The following EXT1 variants were observed in gnomAD, a reference collection of about 807,000 sequenced individuals.
EXT1 encodes exostosin glycosyltransferase 1, also known as exostosin-1.
Under a neutral mutation model 82.5 loss-of-function variants are expected in EXT1, and 20 were observed. That is an observed-to-expected ratio of 0.24 (90% CI 0.17 to 0.35). The LOEUF (loss-of-function observed/expected upper bound fraction) is 0.35. EXT1 is among the 10% of genes least tolerant of loss of function. The pLI, the probability that EXT1 is intolerant of heterozygous loss-of-function variation, is 1.00. For synonymous variants in EXT1, 348 were observed against 350.8 expected, an observed-to-expected ratio of 0.99 and a Z score of 0.09; for missense variants, 757 against 936.5, an observed-to-expected ratio of 0.81 and a Z score of 2.50.
chr8:117,939,133 G>GC (rs1814225123), intron 1 of EXT1, among the ~76,000 whole-genome samples: 1 of 151,940 alleles, frequency 6.6e-6, no homozygotes, highest in Admixed American at 6.6e-5. Context: ...CTGTCCCCCA[G>GC]CCCTGCAAGA....
chr8:117,994,900 C>G lies in EXT1; in HGVS notation c.962+115185G>C, dbSNP rs1016204704. On this transcript the variant is annotated intron_variant, in intron 1 of 10. Coordinates refer to ENST00000378204, the MANE Select transcript of EXT1 (RefSeq NM_000127.3). ...GTCTGAATCCTAAATCTGAACACCA[C>G]AGAACATCAGCTATTTGGACGTTAA... Among the ~76,000 whole-genome samples, 4 of 152,278 alleles carry G rather than the reference C, an allele frequency of 2.6e-5. No individual in the cohort carries two copies. In the East Asian group the frequency reaches 7.7e-4, roughly 29 times the overall value.
At chr8:117,814,092 AAGG>A in intron 7 of EXT1, among the ~76,000 whole-genome samples, 1 of 151,928 alleles carries the variant, frequency 6.6e-6, no homozygotes, top group Non-Finnish European at 1.5e-5. Flanking sequence ...GGAGAAGGAG[AAGG>A]AGAAGGAGAA....
chr8:118,011,290 G>C (rs959132406), intron 1 of EXT1, among the ~76,000 whole-genome samples: 4 of 152,180 alleles, frequency 2.6e-5, no homozygotes, highest in African/African-American at 9.7e-5. Flanking sequence ...GGCAGGACTC[G>C]TGTCTGTCTC....
intron 1 of EXT1, among the ~76,000 whole-genome samples, chr8:118,070,960 T>C (rs1261611961): frequency 1.3e-5 from 2 of 152,230 alleles, no homozygotes; most frequent in Non-Finnish European, 2.9e-5. Flanking sequence ...TTTTAAAGCC[T>C]CCATTTGTGA....
chr8:118,069,438 A>C (rs1817048321), intron 1 of EXT1, among the ~76,000 whole-genome samples: 1 of 151,882 alleles, frequency 6.6e-6, no homozygotes, highest in East Asian at 1.9e-4. Flanking sequence ...GGTGATCTCA[A>C]CTCCTGCTAA....
In EXT1 at chr8:118,110,504, G is replaced by A. The variant is rs375583188; in HGVS notation, c.543C>T (p.Leu181=). Residue 181 remains leucine, a synonymous_variant, in exon 1 of 11, where the codon CTC becomes CTT. Coordinates refer to ENST00000378204, the MANE Select transcript of EXT1 (RefSeq NM_000127.3). ...VHNLRSKVQS[L]HLWNNGRNHL... ...GATTCCTACCATTGTTCCACAAGTG[G>A]AGACTCTGCACTTTGGATCTCAAAT... 66 of 1,613,990 alleles carry A rather than the reference G, an allele frequency of 4.1e-5. No homozygotes were observed. The highest frequency in any genetic ancestry group is 5.2e-5 in the Non-Finnish European group (61 of 1,180,024).
At chr8:117,962,325 C>T (rs1266333389) in intron 1 of EXT1, among the ~76,000 whole-genome samples, 3 of 152,102 alleles carry the variant, frequency 2.0e-5, no homozygotes, top group Non-Finnish European at 2.9e-5. Flanking sequence ...GCCAAGGGGG[C>T]CTGGTGCTGT....
chr8:118,110,033 G>T (rs989380286), intron 1 of EXT1, 52 bp downstream of exon 1: 3 of 1,611,992 alleles, frequency 1.9e-6, no homozygotes, highest in Non-Finnish European at 2.5e-6. Flanking sequence ...CTGGACCAAG[G>T]CCGGCAGAGC....
intron 1 of EXT1, among the ~76,000 whole-genome samples, chr8:118,026,754 G>A (rs1816209474): frequency 6.6e-6 from 1 of 152,184 alleles, no homozygotes; most frequent in Non-Finnish European, 1.5e-5. Context: ...ATCAGTCACT[G>A]ATTCACCGGA....
At chr8:118,012,025 G>A (rs1310903009) in intron 1 of EXT1, among the ~76,000 whole-genome samples, 1 of 152,190 alleles carries the variant, frequency 6.6e-6, no homozygotes, top group Non-Finnish European at 1.5e-5. Context: ...ACCAACTTGG[G>A]AGAGGTTTGT....
intron 1 of EXT1, among the ~76,000 whole-genome samples, chr8:118,096,725 G>A (rs1224377283): frequency 6.6e-6 from 1 of 151,630 alleles, no homozygotes; most frequent in Non-Finnish European, 1.5e-5. Flanking sequence ...GGAAAGGAAG[G>A]AAGAAAGGAT....
At chr8:117,806,280 T>C (rs756201799) in intron 9 of EXT1, among the ~76,000 whole-genome samples, 16 of 152,204 alleles carry the variant, frequency 1.1e-4, no homozygotes, top group Admixed American at 4.6e-4. Flanking sequence ...GGATTTCTCC[T>C]CCCTGTTCAA....
chr8:117,882,930 T>C lies in EXT1; in HGVS notation c.963-45729A>G, dbSNP rs1325385696. On this transcript the variant is annotated intron_variant, in intron 1 of 10. Coordinates refer to ENST00000378204, the MANE Select transcript of EXT1 (RefSeq NM_000127.3). Reference sequence around the variant, plus strand: ...AGACAGAGATTGCAGCGAGCCAAGATCATGCCACTGCACTCCGGCCTGGGC... The same window carrying C: ...AGACAGAGATTGCAGCGAGCCAAGACCATGCCACTGCACTCCGGCCTGGGC... Among the ~76,000 whole-genome samples the C allele has an allele frequency of 5.5e-5, 8 of 144,928 alleles. No individual in the cohort carries two copies. The Admixed American group carries it at 5.7e-4, about 10-fold the overall frequency.
intron 1 of EXT1, among the ~76,000 whole-genome samples, chr8:117,988,909 T>C (rs1815377394): frequency 1.3e-5 from 2 of 151,826 alleles, no homozygotes; most frequent in South Asian, 4.2e-4. Flanking sequence ...CTCATTCTTT[T>C]ATAACTACTT....
At chr8:117,858,790 C>G (rs1812619305) in intron 1 of EXT1, among the ~76,000 whole-genome samples, 3 of 92,116 alleles carry the variant, frequency 3.3e-5, no homozygotes, top group African/African-American at 1.9e-4. Flanking sequence ...GGCAGGCAGG[C>G]AAGGCAAGGC....
chr8:118,036,448 G>T (rs139641256), intron 1 of EXT1, among the ~76,000 whole-genome samples: 1 of 151,974 alleles, frequency 6.6e-6, no homozygotes, highest in Non-Finnish European at 1.5e-5. Context: ...ATAGTAAATC[G>T]CATGATAACT....
intron 1 of EXT1, among the ~76,000 whole-genome samples, chr8:117,939,651 T>C (rs1432796706): frequency 6.6e-6 from 1 of 152,054 alleles, no homozygotes; most frequent in Admixed American, 6.6e-5. Context: ...GTCCCACAAC[T>C]GATAACTAAT....
chr8:117,982,074 A>G, intron 1 of EXT1, among the ~76,000 whole-genome samples: 1 of 152,220 alleles, frequency 6.6e-6, no homozygotes, highest in South Asian at 2.1e-4. Flanking sequence ...AACTTAAAAC[A>G]ACACCCATGT....
At chr8:117,924,138 T>C (rs1813912021) in intron 1 of EXT1, among the ~76,000 whole-genome samples, 1 of 152,168 alleles carries the variant, frequency 6.6e-6, no homozygotes, top group Admixed American at 6.5e-5. Flanking sequence ...AATAACTGGG[T>C]GATTCATATG....
Sources: gnomAD v4.1 joint callset for allele counts (sites outside exome capture counted in the v4.1 genomes callset) on GRCh38, gnomAD v4.1.1 for gene constraint, MANE v1.5 for transcripts, NCBI Gene and HGNC (gene_info 2026-07-23, HGNC 2026-07-21) for gene names.